Variants in KCNAB2 observed in about 807,000 individuals in gnomAD.
KCNAB2 encodes the protein potassium voltage-gated channel subfamily A regulatory beta subunit 2, also known as voltage-gated potassium channel subunit beta-2.
KCNAB2 carries 29 observed loss-of-function variants against 63.6 expected under a neutral mutation model. The ratio of observed to expected loss-of-function variants is 0.46; its 90% CI spans 0.34 to 0.62. KCNAB2 has a LOEUF of 0.62. Among genes scored for constraint, KCNAB2 ranks in the 20% least tolerant of loss-of-function variants. KCNAB2 has a pLI of 0.01. For missense variants in KCNAB2, 359 were observed against 563.9 expected (o/e 0.64, Z 3.68); for synonymous variants, 222 against 224.2 (o/e 0.99, Z 0.09).
At position 6,017,406 on chromosome 1, in the gene KCNAB2, CTGTGTGTG is replaced by C. The variant is rs56202547; in HGVS notation, c.-52-23085_-52-23078del. The stretch of plus-strand genomic sequence containing the variant: ...CACAGGTGCACATCACCATACCTGG[CTGTGTGTG>C]TGTGTGTGTGTGTGTGTGTGTGTGT... On this transcript the variant is annotated intron_variant, in intron 1 of 16. Coordinates refer to the KCNAB2 transcript ENST00000341524. 2.1e-4 allele frequency among the ~76,000 whole-genome samples: 31 copies of C among 147,280 alleles called. 1 individual carries two copies. Among genetic ancestry groups the C allele is most frequent in the Middle Eastern group, 3.4e-3 (1 of 290 alleles).
At chr1:6,061,497 G>A (rs1662313986) in intron 2 of KCNAB2, among the ~76,000 whole-genome samples, 1 of 152,226 alleles carries the variant, frequency 6.6e-6, no homozygotes, top group Non-Finnish European at 1.5e-5. Flanking sequence ...AACAGAGCAG[G>A]CCTCCTCAAC....
chr1:6,084,345 C>T (rs1664462144), intron 5 of KCNAB2, among the ~76,000 whole-genome samples: 1 of 152,182 alleles, frequency 6.6e-6, no homozygotes, highest in Non-Finnish European at 1.5e-5. Flanking sequence ...TAGCATCTGA[C>T]TCTGCCGTTC....
At chr1:6,077,205 G>A (rs1663740389) in intron 4 of KCNAB2, among the ~76,000 whole-genome samples, 1 of 151,942 alleles carries the variant, frequency 6.6e-6, no homozygotes, top group Non-Finnish European at 1.5e-5. Context: ...AGAAAAGCAT[G>A]TTTTGAAGAA....
intron 1 of KCNAB2, among the ~76,000 whole-genome samples, chr1:6,019,633 G>A (rs981651742): frequency 2.6e-5 from 4 of 152,212 alleles, no homozygotes; most frequent in Admixed American, 6.5e-5. Context: ...TGCCAGCCTC[G>A]ACCTGAGCGT....
chr1:6,051,420 C>T lies in KCNAB2; in HGVS notation c.-26-91C>T, dbSNP rs575024397. 273 of 1,385,796 alleles carry T rather than the reference C, an allele frequency of 2.0e-4. 2 individuals carry two copies. The highest frequency in any genetic ancestry group is 1.8e-3 in the South Asian group (108 of 60,538). 85.8% of individuals were successfully genotyped at this position (1,385,796 alleles called of 1,614,324 possible). A position where few individuals can be genotyped will look rare whatever the true frequency, so the allele number is the denominator to read the frequency against. ...TGGTGGCACTAGTTAAAGGATGTTT[C>T]GCTGCAGCTGCCCCCTGCCCCAGGG... On this transcript the variant is annotated intron_variant, in intron 1 of 15. Transcript: ENST00000378083.
chr1:6,022,703 CT>C (rs2100338511), intron 1 of KCNAB2, among the ~76,000 whole-genome samples: 1 of 152,134 alleles, frequency 6.6e-6, no homozygotes, highest in Non-Finnish European at 1.5e-5. Flanking sequence ...AGGCACGTGA[CT>C]ACTCTAGGGA....
At chr1:6,032,607 CAAGAAAGAAAGAGA>C (rs947768093), upstream of KCNAB2, among the ~76,000 whole-genome samples, 2 of 146,294 alleles carry the variant, frequency 1.4e-5, no homozygotes, top group African/African-American at 5.1e-5. Context: ...AGAAAGCAAG[CAAGAAAGAAAGAGA>C]AAGAAAGAAA....
chr1:6,057,265 C>T (rs1661919544), intron 2 of KCNAB2, among the ~76,000 whole-genome samples: 1 of 151,940 alleles, frequency 6.6e-6, no homozygotes, highest in African/African-American at 2.4e-5. Flanking sequence ...CCTGTGCTTT[C>T]TGACTCTAGA....
rs1375334567 is a variant in KCNAB2, at chr1:6,086,418, T to C, written c.426-1049T>C. On this transcript the variant is annotated intron_variant, in intron 6 of 15. Coordinates refer to ENST00000378083, the MANE Select transcript of KCNAB2 (RefSeq NM_001199862.2). This position sits in a 1 kb window ranked among gnomAD's most constrained non-coding sequence, Gnocchi z 4.2. Reference sequence around the variant, plus strand: ...GAATGTGCATGGAGGTGGTGTGGGGTGATCCCCCTTCCTGGAGGTGACGCT... The same window carrying C: ...GAATGTGCATGGAGGTGGTGTGGGGCGATCCCCCTTCCTGGAGGTGACGCT... 6 of 977,404 alleles carry C rather than the reference T, an allele frequency of 6.1e-6. No individual in the cohort carries two copies. The highest frequency in any genetic ancestry group is 7.3e-6 in the Non-Finnish European group (6 of 822,812). 60.5% of individuals were successfully genotyped at this position (977,404 alleles called of 1,614,324 possible).
intron 1 of KCNAB2, among the ~76,000 whole-genome samples, chr1:6,019,641 C>T (rs1557936268): frequency 1.3e-5 from 2 of 152,342 alleles, no homozygotes; most frequent in South Asian, 2.1e-4. Context: ...TCGACCTGAG[C>T]GTCTTCACTG....
At chr1:5,998,297 C>A (rs1259205428) in intron 1 of KCNAB2, among the ~76,000 whole-genome samples, 2 of 152,208 alleles carry the variant, frequency 1.3e-5, no homozygotes, top group South Asian at 4.1e-4. Context: ...CTGGAGCCCC[C>A]CAAGCTTTTC....
In KCNAB2 at chr1:6,090,391, C is replaced by T. The variant is rs1665085550; in HGVS notation, c.517C>T (p.Leu173=). The T allele has an allele frequency of 6.2e-7, 1 of 1,613,340 alleles. No individual in the cohort carries two copies. Among genetic ancestry groups the T allele is most frequent in the Non-Finnish European group, 8.5e-7 (1 of 1,179,460 alleles). The change falls in exon 9 of 16, where the codon CTG becomes TTG. Residue 173 remains leucine (L), a splice_region_variant and synonymous_variant. Transcript: ENST00000378083. ...CCCCCCACCTGGTCCTCCCCCAGGT[C>T]TGAAAGCTTCCCTGGAGCGACTGCA... ...GLSRKHIIEG[L]KASLERLQLE...
intron 2 of KCNAB2, among the ~76,000 whole-genome samples, chr1:6,067,215 C>T (rs771442823): frequency 1.3e-5 from 2 of 152,210 alleles, no homozygotes; most frequent in Non-Finnish European, 2.9e-5. Context: ...ACGTGGTCTA[C>T]AGAAGCTGGA....
intron 1 of KCNAB2, among the ~76,000 whole-genome samples, chr1:6,050,455 C>T (rs1462398449): frequency 1.3e-5 from 2 of 152,256 alleles, no homozygotes; most frequent in Admixed American, 6.5e-5. Context: ...GGTGAGGACT[C>T]AGCCCCGAGG....
chr1:6,007,513 C>CGCCTCCTCCGT (rs1384772614), intron 1 of KCNAB2: 2 of 152,596 alleles, frequency 1.3e-5, no homozygotes, highest in Admixed American at 6.5e-5. Flanking sequence ...GCCACCTCTG[C>CGCCTCCTCCGT]GCCTCCTCCG....
chr1:6,042,357 T>G (rs2100468304), upstream of KCNAB2, among the ~76,000 whole-genome samples: 1 of 152,328 alleles, frequency 6.6e-6, no homozygotes, highest in Non-Finnish European at 1.5e-5. Context: ...GCAGTACTGA[T>G]ACGACGTGGA....
intron 5 of KCNAB2, among the ~76,000 whole-genome samples, chr1:6,084,623 C>T (rs780378805): frequency 2.2e-4 from 34 of 152,154 alleles, no homozygotes; most frequent in Non-Finnish European, 3.5e-4. Flanking sequence ...CGAGACCAGC[C>T]TGGCCAACAT....
At chr1:6,056,552 A>G (rs1029367754) in intron 2 of KCNAB2, among the ~76,000 whole-genome samples, 12 of 152,052 alleles carry the variant, frequency 7.9e-5, no homozygotes, top group Non-Finnish European at 1.5e-5. Context: ...CCGGGCCCAC[A>G]CTGTGCTGAC....
chr1:6,032,600 A>G (rs1659704774), upstream of KCNAB2, among the ~76,000 whole-genome samples: 2 of 151,806 alleles, frequency 1.3e-5, no homozygotes, highest in African/African-American at 4.8e-5. Flanking sequence ...GAGAGAGAGA[A>G]AGCAAGCAAG....
Sources: allele counts gnomAD v4.1 joint callset (sites outside exome capture counted in the v4.1 genomes callset), GRCh38; gene constraint gnomAD v4.1.1; non-coding constraint Gnocchi (gnomAD v3.1); transcripts MANE v1.5; gene names NCBI Gene and HGNC (gene_info 2026-07-23, HGNC 2026-07-21).